Variants in PLCB4 observed in about 807,000 individuals in gnomAD.
PLCB4 encodes 1-phosphatidylinositol 4,5-bisphosphate phosphodiesterase beta-4.
PLCB4 carries 77 observed loss-of-function variants against 178.8 expected under a neutral mutation model. That is an observed-to-expected ratio of 0.43 (90% confidence interval 0.36 to 0.52). The LOEUF (loss-of-function observed/expected upper bound fraction) is 0.52, where lower values mean the gene tolerates loss of function less well. Ranked by LOEUF, PLCB4 falls within the 20% of genes least tolerant of loss-of-function variation. The pLI is 0.00. For missense variants in PLCB4, 1,024 were observed against 1,453.4 expected (o/e 0.70, Z 4.80); for synonymous variants, 496 against 490.8 (o/e 1.01, Z -0.14).
chr20:9,337,981 T>C, intron 5 of PLCB4, 27 bp from the exon 6 acceptor site: 1 of 1,588,600 alleles, frequency 6.3e-7, no homozygotes, highest in Non-Finnish European at 8.6e-7. Context: ...TTTAAGCTCA[T>C]TGCTGTGTTG....
intron 2 of PLCB4, among the ~76,000 whole-genome samples, chr20:9,162,796 TA>T (rs11477489): frequency 0.2 from 30,012 of 151,906 alleles, 3,066 homozygotes; most frequent in African/African-American, 0.26. Flanking sequence ...TTAGCTCATT[TA>T]AAAAAAAGCC....
chr20:9,255,953 C>T (rs548835550), intron 3 of PLCB4, among the ~76,000 whole-genome samples: 75 of 152,070 alleles, frequency 4.9e-4, no homozygotes, highest in African/African-American at 1.7e-3. Context: ...TATACACACA[C>T]CATATTACCT....
chr20:9,403,213 G>C (rs1289577075), intron 20 of PLCB4, among the ~76,000 whole-genome samples: 8 of 152,050 alleles, frequency 5.3e-5, no homozygotes, highest in Non-Finnish European at 1.0e-4. Flanking sequence ...GTATATAGAA[G>C]ACAGGTTGAG....
At chr20:9,106,049 A>G (rs756299743) in intron 2 of PLCB4, among the ~76,000 whole-genome samples, 4 of 152,078 alleles carry the variant, frequency 2.6e-5, no homozygotes, top group Admixed American at 2.6e-4. Context: ...TTTACAAACA[A>G]TATGATCAAC....
chr20:9,393,547 C>A, intron 17 of PLCB4, 41 bp from the exon 18 acceptor site: 1 of 1,344,512 alleles, frequency 7.4e-7, no homozygotes, highest in Non-Finnish European at 1.1e-6. Flanking sequence ...AATGGAGAAG[C>A]ACAGCCCTTC....
intron 2 of PLCB4, among the ~76,000 whole-genome samples, chr20:9,188,801 G>A (rs1324094255): frequency 8.3e-6 from 1 of 120,268 alleles, no homozygotes; most frequent in Non-Finnish European, 1.6e-5. Context: ...TCACTGTGGA[G>A]GGCTGTCATA....
chr20:9,162,960 A>C (rs1442667998), intron 2 of PLCB4, among the ~76,000 whole-genome samples: 4 of 152,148 alleles, frequency 2.6e-5, no homozygotes. Context: ...TATTTTTACC[A>C]ATTTCTGGGG....
chr20:9,091,655 A>G (rs1314878118), intron 1 of PLCB4, among the ~76,000 whole-genome samples: 2 of 150,476 alleles, frequency 1.3e-5, no homozygotes, highest in East Asian at 1.9e-4. Context: ...GGGAGCGGTG[A>G]AGACTGCATG....
At chr20:9,302,277 T>C (rs1419601342) in intron 3 of PLCB4, among the ~76,000 whole-genome samples, 1 of 152,010 alleles carries the variant, frequency 6.6e-6, no homozygotes, top group Non-Finnish European at 1.5e-5. Flanking sequence ...TAAAAAGAAG[T>C]AACTGTCCCT....
chr20:9,192,824 C>T (rs568527421), intron 2 of PLCB4, among the ~76,000 whole-genome samples: 2 of 152,004 alleles, frequency 1.3e-5, no homozygotes, highest in East Asian at 2.0e-4. Flanking sequence ...AAAAAAATGT[C>T]AAGACAGTAA....
chr20:9,409,609 C>G (rs2039711400), intron 24 of PLCB4, among the ~76,000 whole-genome samples: 1 of 152,148 alleles, frequency 6.6e-6, no homozygotes, highest in African/African-American at 2.4e-5. Context: ...GCAAATATGA[C>G]TGATGCAGGG....
chr20:9,154,905 C>CTCCTTCCTTCCTTCCTTCCT (rs771256316), intron 2 of PLCB4, among the ~76,000 whole-genome samples: 68 of 62,418 alleles, frequency 1.1e-3, no homozygotes, highest in East Asian at 4.0e-3. Context: ...CCCTCCTTCC[C>CTCCTTCCTTCCTTCCTTCCT]TCCTTCCTTC....
At chr20:9,140,103 A>C (rs962309946) in intron 2 of PLCB4, among the ~76,000 whole-genome samples, 2 of 151,602 alleles carry the variant, frequency 1.3e-5, no homozygotes, top group Non-Finnish European at 2.9e-5. Context: ...TTTTTGTTTT[A>C]AGTTTGTCTA....
chr20:9,385,581 C>T (rs1273817960), intron 14 of PLCB4, among the ~76,000 whole-genome samples: 120 of 128,722 alleles, frequency 9.3e-4, no homozygotes, highest in East Asian at 3.3e-3. Flanking sequence ...ACTTCTCAGA[C>T]GGGGCGGCTG....
chr20:9,171,798 A>G (rs1238597375), intron 2 of PLCB4, among the ~76,000 whole-genome samples: 1 of 152,142 alleles, frequency 6.6e-6, no homozygotes, highest in Non-Finnish European at 1.5e-5. Flanking sequence ...GTTGTGTATT[A>G]TGTAAGTGGA....
At position 9,459,718 on chromosome 20, in the gene PLCB4, C is replaced by T. The variant is rs1225112513; in HGVS notation, c.3156C>T (p.Asp1052=). 6.2e-7 allele frequency: 1 copy of T among 1,612,602 alleles called. No individual in the cohort carries two copies. Among genetic ancestry groups the T allele is most frequent in the East Asian group, 2.2e-5 (1 of 44,808 alleles). The change falls in exon 35 of 40, where the codon GAC becomes GAT. Residue 1052 remains aspartate (D), a synonymous_variant. Transcript: ENST00000378473. The part of the protein sequence containing the change: ...THSAEEQEIR[D]LHLSQQCELL... ...GTGCTGAGGAGCAAGAAATCCGAGA[C>T]CTGCACCTCAGCCAGCAGTGTGAGC...
At chr20:9,197,940 A>C (rs1018694359) in intron 2 of PLCB4, among the ~76,000 whole-genome samples, 7 of 152,126 alleles carry the variant, frequency 4.6e-5, no homozygotes, top group Non-Finnish European at 8.8e-5. Context: ...GTGCCATTGC[A>C]CTCCAGCCTG....
At chr20:9,472,768 T>C in intron 36 of PLCB4, 22 bp from the exon 37 acceptor site, 1 of 1,513,158 alleles carries the variant, frequency 6.6e-7, no homozygotes, top group Non-Finnish European at 9.1e-7. Flanking sequence ...TACCAACCGT[T>C]ATTTGTGCCC....
intron 2 of PLCB4, among the ~76,000 whole-genome samples, chr20:9,138,152 G>A (rs1056143540): frequency 1.3e-5 from 2 of 152,042 alleles, no homozygotes; most frequent in Non-Finnish European, 2.9e-5. Flanking sequence ...ATAAGAGGAG[G>A]AATGGCATGA....
Sources: allele counts gnomAD v4.1 joint callset (sites outside exome capture counted in the v4.1 genomes callset), GRCh38; gene constraint gnomAD v4.1.1; transcripts MANE v1.5; gene names NCBI Gene and HGNC (gene_info 2026-07-23, HGNC 2026-07-21).